Variants in GRIK2 observed in about 807,000 individuals in gnomAD.
GRIK2 encodes glutamate receptor ionotropic, kainate 2.
Under a neutral mutation model 100.3 loss-of-function variants are expected in GRIK2, and 32 were observed. The ratio of observed to expected loss-of-function variants is 0.32; its 90% CI spans 0.24 to 0.43. The LOEUF (loss-of-function observed/expected upper bound fraction) is 0.43. GRIK2 is among the 20% of genes least tolerant of loss of function. The pLI is 1.00. For synonymous variants in GRIK2, 417 were observed against 389.4 expected, an observed-to-expected ratio of 1.07 and a Z score of -0.83; for missense variants, 843 against 1,114.9, an observed-to-expected ratio of 0.76 and a Z score of 3.47.
chr6:101,561,602 A>T (rs1309422617), intron 2 of GRIK2, among the ~76,000 whole-genome samples: 2 of 152,142 alleles, frequency 1.3e-5, no homozygotes, highest in East Asian at 1.9e-4. Flanking sequence ...TCAAAATATT[A>T]CATGCACTCC....
At chr6:101,616,085 G>A (rs1404810232) in intron 2 of GRIK2, among the ~76,000 whole-genome samples, 1 of 151,480 alleles carries the variant, frequency 6.6e-6, no homozygotes, top group Non-Finnish European at 1.5e-5. Flanking sequence ...TCTTTTTCCT[G>A]AGACACCTGG....
At chr6:101,929,149 C>A (rs997507943) in intron 14 of GRIK2, among the ~76,000 whole-genome samples, 2 of 145,318 alleles carry the variant, frequency 1.4e-5, no homozygotes, top group Non-Finnish European at 3.2e-5. Flanking sequence ...AAGGGGCTGT[C>A]CCATTGAACT....
At chr6:101,691,841 G>A (rs531586660) in intron 7 of GRIK2, among the ~76,000 whole-genome samples, 39 of 151,824 alleles carry the variant, frequency 2.6e-4, no homozygotes, top group African/African-American at 8.5e-4. Context: ...CTTACAGCAG[G>A]AATTTAGCTC....
intron 7 of GRIK2, among the ~76,000 whole-genome samples, chr6:101,798,176 C>T (rs745651212): frequency 1.3e-5 from 2 of 151,690 alleles, no homozygotes; most frequent in East Asian, 1.9e-4. Context: ...GGCTCTCTTA[C>T]GTTTTGTGCT....
At chr6:102,025,778 A>G (rs976808629) in intron 14 of GRIK2, among the ~76,000 whole-genome samples, 1 of 151,264 alleles carries the variant, frequency 6.6e-6, no homozygotes, top group Admixed American at 6.6e-5. Flanking sequence ...ATCTACGCAC[A>G]CACAGTGCGT....
intron 7 of GRIK2, among the ~76,000 whole-genome samples, chr6:101,762,343 T>A (rs895277837): frequency 6.6e-6 from 1 of 151,824 alleles, no homozygotes; most frequent in East Asian, 1.9e-4. Context: ...CCTGGCTAAT[T>A]TTTTTATTTT....
intron 2 of GRIK2, among the ~76,000 whole-genome samples, chr6:101,612,362 G>T (rs1006207395): frequency 1.3e-5 from 2 of 151,810 alleles, no homozygotes; most frequent in Non-Finnish European, 2.9e-5. Flanking sequence ...ATGGGAAATA[G>T]ATTAAAGACA....
At chr6:101,528,817 C>T (rs1418337627) in intron 2 of GRIK2, among the ~76,000 whole-genome samples, 2 of 152,106 alleles carry the variant, frequency 1.3e-5, no homozygotes, top group South Asian at 2.1e-4. Context: ...TGTCCTTTTC[C>T]TCCATTCCCT....
chr6:101,861,480 C>A (rs1477178787), intron 11 of GRIK2, among the ~76,000 whole-genome samples: 1 of 152,052 alleles, frequency 6.6e-6, no homozygotes, highest in Non-Finnish European at 1.5e-5. Flanking sequence ...TGCTTTCCTA[C>A]CTAAATGACC....
intron 14 of GRIK2, among the ~76,000 whole-genome samples, chr6:102,023,351 G>T (rs1049778053): frequency 1.3e-5 from 2 of 151,368 alleles, no homozygotes; most frequent in African/African-American, 4.8e-5. Context: ...GGTAAAAAAA[G>T]AAAGAAATAA....
intron 14 of GRIK2, among the ~76,000 whole-genome samples, chr6:101,972,331 A>G (rs1793102560): frequency 6.6e-6 from 1 of 151,914 alleles, no homozygotes; most frequent in Non-Finnish European, 1.5e-5. Flanking sequence ...TGTGGTTTTG[A>G]TTTACATTTC....
At chr6:101,405,298 G>A (rs890714719) in intron 2 of GRIK2, among the ~76,000 whole-genome samples, 8 of 151,674 alleles carry the variant, frequency 5.3e-5, no homozygotes, top group Admixed American at 3.9e-4. Context: ...GTGAACCTAG[G>A]TTTAGGACCA....
intron 9 of GRIK2, among the ~76,000 whole-genome samples, chr6:101,805,003 C>A (rs4840197): frequency 0.11 from 16,916 of 151,868 alleles, 2,056 homozygotes; most frequent in East Asian, 0.67. Flanking sequence ...TCTCACTCTG[C>A]CCTTTACTTT....
intron 10 of GRIK2, among the ~76,000 whole-genome samples, chr6:101,850,938 G>A (rs187453045): frequency 8.5e-4 from 129 of 152,148 alleles, no homozygotes; most frequent in Admixed American, 2.9e-3. Context: ...TCCTTGTACC[G>A]TGTGAAACAG....
chr6:101,507,443 C>T (rs1774081960), intron 2 of GRIK2, among the ~76,000 whole-genome samples: 1 of 151,900 alleles, frequency 6.6e-6, no homozygotes, highest in African/African-American at 2.4e-5. Context: ...AATTTTTCTA[C>T]AGGGATTCAG....
At chr6:101,863,262 G>A (rs1228820007) in intron 11 of GRIK2, among the ~76,000 whole-genome samples, 1 of 152,146 alleles carries the variant, frequency 6.6e-6, no homozygotes, top group Non-Finnish European at 1.5e-5. Flanking sequence ...AATCATTGCA[G>A]AGATACTGAA....
chr6:101,876,007 G>GTT (rs545250019), intron 11 of GRIK2, among the ~76,000 whole-genome samples: 5 of 140,868 alleles, frequency 3.5e-5, no homozygotes, highest in African/African-American at 1.5e-4. Context: ...GTGTTTATGT[G>GTT]TTTGTGTGTG....
chr6:101,757,477 A>G (rs1204959325), intron 7 of GRIK2, among the ~76,000 whole-genome samples: 3 of 152,204 alleles, frequency 2.0e-5, no homozygotes, highest in Non-Finnish European at 2.9e-5. Flanking sequence ...AGCACTCTAC[A>G]TGCATTATTT....
chr6:101,882,102 T>G (rs1459512580), intron 11 of GRIK2, among the ~76,000 whole-genome samples: 3 of 152,010 alleles, frequency 2.0e-5, no homozygotes, highest in Non-Finnish European at 4.4e-5. Context: ...TGAGACTTAT[T>G]CATTACTATG....
Sources: allele counts gnomAD v4.1 joint callset (sites outside exome capture counted in the v4.1 genomes callset), GRCh38; gene constraint gnomAD v4.1.1; transcripts MANE v1.5; gene names NCBI Gene and HGNC (gene_info 2026-07-23, HGNC 2026-07-21).